IGFL2: variants seen among roughly 807,000 people sequenced by gnomAD.
IGFL2 encodes IGF like family member 2, also known as insulin growth factor-like family member 2.
In IGFL2, 7 loss-of-function variants were observed where a neutral mutation model predicts 13.9. The observed-to-expected ratio is 0.51, with a 90% CI of 0.29 to 0.95. The LOEUF (loss-of-function observed/expected upper bound fraction) is 0.95. IGFL2 is among the 40% of genes least tolerant of loss of function. IGFL2 has a pLI of 0.08. For missense variants in IGFL2, 138 were observed against 147.8 expected (o/e 0.93, Z 0.34); for synonymous variants, 55 against 55.8 (o/e 0.99, Z 0.07).
the IGFL2 span, among the ~76,000 whole-genome samples, chr19:46,177,911 G>A: frequency 2.0e-5 from 3 of 152,150 alleles, no homozygotes; most frequent in African/African-American, 7.2e-5. Context: ...TGATGGGAAG[G>A]GAGGTCAGAC....
At chr19:46,149,510 A>C (rs554596626) in intron 1 of IGFL2, among the ~76,000 whole-genome samples, 1 of 151,012 alleles carries the variant, frequency 6.6e-6, no homozygotes, top group Admixed American at 6.6e-5. Flanking sequence ...CGACCACCGC[A>C]TGCCCATTTA....
chr19:46,135,228 C>G, the IGFL2 span, among the ~76,000 whole-genome samples: 732 of 152,246 alleles, frequency 4.8e-3, 6 homozygotes, highest in Admixed American at 6.3e-3. Context: ...AATCTACAGG[C>G]TTTATTTTAA....
chr19:46,168,269 G>A, the IGFL2 span, among the ~76,000 whole-genome samples: 3 of 152,138 alleles, frequency 2.0e-5, no homozygotes, highest in African/African-American at 7.2e-5. Flanking sequence ...AAACATTATC[G>A]TTGGTTAAAA....
At chr19:46,180,355 T>G in the IGFL2 span, among the ~76,000 whole-genome samples, 1 of 152,114 alleles carries the variant, frequency 6.6e-6, no homozygotes, top group Admixed American at 6.5e-5. Flanking sequence ...ATTTTTGTGT[T>G]TTTAGTAGAG....
the IGFL2 span, among the ~76,000 whole-genome samples, chr19:46,193,671 C>G: frequency 6.6e-6 from 1 of 152,180 alleles, no homozygotes; most frequent in Non-Finnish European, 1.5e-5. Flanking sequence ...GAAATTTGCA[C>G]TAGCTTTGTG....
At chr19:46,116,671 C>T in the IGFL2 span, among the ~76,000 whole-genome samples, 17 of 152,180 alleles carry the variant, frequency 1.1e-4, no homozygotes, top group African/African-American at 1.9e-4. Context: ...GCTACTGAAG[C>T]GGGCCAATTA....
chr19:46,088,623 C>T, the IGFL2 span, among the ~76,000 whole-genome samples: 1 of 152,164 alleles, frequency 6.6e-6, no homozygotes, highest in African/African-American at 2.4e-5. Flanking sequence ...ATATTAAGAG[C>T]TTAATTGTGC....
chr19:46,112,651 A>G, the IGFL2 span, among the ~76,000 whole-genome samples: 5 of 152,206 alleles, frequency 3.3e-5, no homozygotes, highest in African/African-American at 1.2e-4. Flanking sequence ...TGACCTTAGA[A>G]CTTTCAAATA....
downstream of IGFL2, chr19:46,164,574 A>G (rs1472889105): frequency 6.6e-6 from 1 of 152,242 alleles, no homozygotes; most frequent in Non-Finnish European, 1.5e-5. Context: ...CACTTGGTAC[A>G]TACCATTTTA....
At chr19:46,080,010 C>A in the IGFL2 span, among the ~76,000 whole-genome samples, 1 of 151,532 alleles carries the variant, frequency 6.6e-6, no homozygotes, top group East Asian at 1.9e-4. Context: ...GGAAAACGTG[C>A]GTCAGAGGGC....
the IGFL2 span, among the ~76,000 whole-genome samples, chr19:46,080,130 A>T: frequency 6.6e-6 from 1 of 152,248 alleles, no homozygotes; most frequent in Non-Finnish European, 1.5e-5. Flanking sequence ...TTACATACTT[A>T]AAGCCATTTT....
At chr19:46,107,752 T>C in the IGFL2 span, among the ~76,000 whole-genome samples, 1 of 152,220 alleles carries the variant, frequency 6.6e-6, no homozygotes, top group Non-Finnish European at 1.5e-5. Context: ...GAACTTTTTC[T>C]AATATCGGGA....
chr19:46,196,010 C>G, the IGFL2 span: 1 of 152,376 alleles, frequency 6.6e-6, no homozygotes, highest in South Asian at 2.1e-4. Flanking sequence ...GAGAGAGGGA[C>G]CGAGGGTGGA....
chr19:46,105,578 G>A, the IGFL2 span, among the ~76,000 whole-genome samples: 4,529 of 152,250 alleles, frequency 0.03, 88 homozygotes, highest in Middle Eastern at 0.048. Context: ...ATTGAAGTCC[G>A]GGCCAGGAAC....
upstream of IGFL2, among the ~76,000 whole-genome samples, chr19:46,140,374 C>T (rs553027180): frequency 4.6e-5 from 7 of 152,044 alleles, no homozygotes; most frequent in South Asian, 1.2e-3. Flanking sequence ...AGAGGATGAA[C>T]GTTATTAAAA....
intron 1 of IGFL2, chr19:46,148,822 C>T: frequency 6.8e-7 from 1 of 1,473,172 alleles, no homozygotes; most frequent in Non-Finnish European, 9.0e-7. Flanking sequence ...CTGACTCTTC[C>T]AGATATTGGA....
chr19:46,158,820 G>A (rs1973968341), intron 1 of IGFL2, among the ~76,000 whole-genome samples: 4 of 152,140 alleles, frequency 2.6e-5, no homozygotes, highest in Admixed American at 2.6e-4. Flanking sequence ...GGTTACTGAT[G>A]CGGTCAGGAT....
chr19:46,108,647 G>A, the IGFL2 span, among the ~76,000 whole-genome samples: 2 of 152,054 alleles, frequency 1.3e-5, no homozygotes, highest in Non-Finnish European at 2.9e-5. Context: ...GGTGGTGCTT[G>A]CCACCCAGGG....
chr19:46,207,512 G>T, the IGFL2 span: 1 of 152,102 alleles, frequency 6.6e-6, no homozygotes, highest in Admixed American at 6.5e-5. Context: ...CTCCCGAGTA[G>T]CTGGGATTAC....
Sources: gnomAD v4.1 joint callset for allele counts (sites outside exome capture counted in the v4.1 genomes callset) on GRCh38, gnomAD v4.1.1 for gene constraint, MANE v1.5 for transcripts, NCBI Gene and HGNC (gene_info 2026-07-23, HGNC 2026-07-21) for gene names.